STK3: variants seen among roughly 807,000 people sequenced by gnomAD.
The protein encoded by STK3 is serine/threonine-protein kinase 3.
In STK3, 41 loss-of-function variants were observed where a neutral mutation model predicts 58.0. That is an observed-to-expected ratio of 0.71 (90% CI 0.55 to 0.92). The LOEUF is 0.92. STK3 is among the 40% of genes least tolerant of loss of function. The pLI, the probability that STK3 is intolerant of heterozygous loss-of-function variation, is 0.00. For synonymous variants in STK3, 170 were observed against 191.0 expected (o/e 0.89, Z 0.91); for missense variants, 479 against 602.7 (o/e 0.79, Z 2.15).
At chr8:98,423,184 G>A (rs1403754171) in intron 3 of STK3, among the ~76,000 whole-genome samples, 2 of 152,218 alleles carry the variant, frequency 1.3e-5, no homozygotes, top group Non-Finnish European at 2.9e-5. Flanking sequence ...TCATTCATTC[G>A]TCATCCAATC....
At chr8:98,578,777 T>C (rs1675458174) in intron 8 of STK3, among the ~76,000 whole-genome samples, 5 of 152,172 alleles carry the variant, frequency 3.3e-5, no homozygotes, top group Admixed American at 3.3e-4. Context: ...CAAGGGTTAT[T>C]CTCCTCTATA....
chr8:98,706,726 C>A, intron 5 of STK3, 92 bp from the exon 6 acceptor site: 1 of 1,297,864 alleles, frequency 7.7e-7, no homozygotes, highest in Non-Finnish European at 1.0e-6. Flanking sequence ...TTAAAACCTC[C>A]AATGCCACAG....
At chr8:98,415,883 C>G (rs1400768634) in intron 3 of STK3, among the ~76,000 whole-genome samples, 1 of 152,180 alleles carries the variant, frequency 6.6e-6, no homozygotes, top group East Asian at 1.9e-4. Flanking sequence ...AAGAGAGACT[C>G]TGCCATAGGA....
At chr8:98,571,609 A>G (rs900222852) in intron 8 of STK3, among the ~76,000 whole-genome samples, 6 of 152,208 alleles carry the variant, frequency 3.9e-5, no homozygotes, top group African/African-American at 1.4e-4. Context: ...AGGTCACCAG[A>G]AAGTCCTCAT....
chr8:98,596,440 A>C (rs1166451492), intron 6 of STK3: 2 of 269,300 alleles, frequency 7.4e-6, no homozygotes, highest in Non-Finnish European at 1.4e-5. Context: ...TCTCTAAAGA[A>C]GACTATATTT....
At chr8:98,928,419 C>T (rs1210238695) in intron 1 of STK3, among the ~76,000 whole-genome samples, 2 of 152,206 alleles carry the variant, frequency 1.3e-5, no homozygotes, top group Non-Finnish European at 2.9e-5. Flanking sequence ...AAGACAATTG[C>T]AAAGCTTGTG....
intron 6 of STK3, among the ~76,000 whole-genome samples, chr8:98,675,881 G>A (rs924790926): frequency 4.0e-5 from 6 of 151,700 alleles, no homozygotes; most frequent in African/African-American, 1.5e-4. Flanking sequence ...AAAAAAAAAA[G>A]CAGGGACTCA....
chr8:98,617,621 T>C (rs1563809906), intron 6 of STK3, among the ~76,000 whole-genome samples: 1 of 151,816 alleles, frequency 6.6e-6, no homozygotes, highest in South Asian at 2.1e-4. Context: ...TAAAAAATGA[T>C]AAAGGGGATA....
At chr8:98,407,714 ATGTGTGTGTGTGTGTGTGTGTG>A (rs6150725) in intron 3 of STK3, among the ~76,000 whole-genome samples, 2 of 137,110 alleles carry the variant, frequency 1.5e-5, no homozygotes, top group Admixed American at 6.9e-5. Context: ...AGATGAGTGC[ATGTGTGTGTGTGTGTGTGTGTG>A]TGTGTGTGTG....
At chr8:98,576,256 T>C (rs919000598) in intron 8 of STK3, among the ~76,000 whole-genome samples, 1 of 152,244 alleles carries the variant, frequency 6.6e-6, no homozygotes, top group Non-Finnish European at 1.5e-5. Flanking sequence ...TCCCTTGGTC[T>C]ACATACCTAT....
rs577868566 is a variant in STK3 at position 98,485,298 on chromosome 8, C to T, written c.1318-29298G>A. Reference sequence around the variant, plus strand: ...CTTTAGTGGCAGACCAGGAGACAACCCACATACAAGTGGTCAATTTGAATT... The same window carrying T: ...CTTTAGTGGCAGACCAGGAGACAACTCACATACAAGTGGTCAATTTGAATT... On this transcript the variant is annotated intron_variant, in intron 10 of 10. Coordinates refer to ENST00000419617, the MANE Select transcript of STK3 (RefSeq NM_006281.4). 2.9e-3 allele frequency among the ~76,000 whole-genome samples: 434 copies of T among 152,174 alleles called. 3 individuals are homozygous for T. The highest frequency in any genetic ancestry group is 8.1e-3 in the South Asian group (39 of 4,814).
intron 6 of STK3, among the ~76,000 whole-genome samples, chr8:98,672,962 C>A (rs1331817109): frequency 6.6e-6 from 1 of 152,102 alleles, no homozygotes; most frequent in Admixed American, 6.5e-5. Flanking sequence ...GAAGCTATGA[C>A]AGTTTGCTGT....
At chr8:98,517,862 C>A (rs1471681377) in intron 10 of STK3, among the ~76,000 whole-genome samples, 1 of 151,970 alleles carries the variant, frequency 6.6e-6, no homozygotes, top group African/African-American at 2.4e-5. Flanking sequence ...ATGTAATCAC[C>A]CCAATAGTCC....
At chr8:98,429,065 T>G in intron 3 of STK3, 1 of 1,613,132 alleles carries the variant, frequency 6.2e-7, no homozygotes, top group South Asian at 1.1e-5. Context: ...CCACCATCCC[T>G]GCCTGCTGGT....
chr8:98,785,793 A>C (rs541617813), intron 1 of STK3, among the ~76,000 whole-genome samples: 1 of 152,346 alleles, frequency 6.6e-6, no homozygotes, highest in East Asian at 1.9e-4. Flanking sequence ...ACACAGCATT[A>C]TTTCCACTCA....
chr8:98,840,991 T>G (rs1399287268), intron 3 of STK3, among the ~76,000 whole-genome samples: 2 of 152,182 alleles, frequency 1.3e-5, no homozygotes, highest in East Asian at 3.9e-4. Flanking sequence ...AGACTTCTGT[T>G]CCTTACTACC....
chr8:98,714,095 A>C (rs1220441843), intron 4 of STK3, among the ~76,000 whole-genome samples: 1 of 152,202 alleles, frequency 6.6e-6, no homozygotes. Flanking sequence ...CATGCTACAA[A>C]CTCTCAATAA....
At chr8:98,534,562 G>A (rs1334872789) in intron 9 of STK3, among the ~76,000 whole-genome samples, 1 of 152,158 alleles carries the variant, frequency 6.6e-6, no homozygotes, top group Non-Finnish European at 1.5e-5. Flanking sequence ...TGTCTATGGT[G>A]TTCATCTTCA....
At chr8:98,406,779 G>A (rs371360505) in intron 3 of STK3, among the ~76,000 whole-genome samples, 12 of 152,166 alleles carry the variant, frequency 7.9e-5, no homozygotes, top group African/African-American at 2.7e-4. Flanking sequence ...TTGCAGTTAG[G>A]AGTGGTCAGG....
Sources: allele counts gnomAD v4.1 joint callset (sites outside exome capture counted in the v4.1 genomes callset), GRCh38; gene constraint gnomAD v4.1.1; transcripts MANE v1.5; gene names NCBI Gene and HGNC (gene_info 2026-07-23, HGNC 2026-07-21).